Variants in CSMD1 observed in about 807,000 individuals in gnomAD.
The protein encoded by CSMD1 is CUB and sushi domain-containing protein 1.
A neutral mutation model predicts 417.5 loss-of-function variants in CSMD1; 213 were observed. That is an observed-to-expected ratio of 0.51 (90% CI 0.46 to 0.57). The LOEUF is 0.57. Among genes scored for constraint, CSMD1 ranks in the 20% least tolerant of loss-of-function variants. CSMD1 has a pLI of 0.00. For missense variants in CSMD1, 6,923 were observed against 4,529.7 expected, an observed-to-expected ratio of 1.53 and a Z score of -15.17; for synonymous variants, 2,862 against 1,736.8, an observed-to-expected ratio of 1.65 and a Z score of -16.11.
intron 10 of CSMD1, among the ~76,000 whole-genome samples, chr8:3,545,032 A>T (rs745346693): frequency 6.6e-6 from 1 of 152,168 alleles, no homozygotes; most frequent in Non-Finnish European, 1.5e-5. Context: ...GGACAGTATA[A>T]AGTTAATTTC....
intron 6 of CSMD1, among the ~76,000 whole-genome samples, chr8:3,750,618 G>A (rs543032456): frequency 2.6e-4 from 39 of 151,916 alleles, no homozygotes; most frequent in African/African-American, 7.2e-4. Context: ...TTTTAATCTC[G>A]GTATAGACAA....
In CSMD1 at chr8:4,316,587, C is replaced by G. The variant is rs138369043; in HGVS notation, c.415+103366G>C. ...CTTTCCACTAATATTCCATCGAGTCCTAAGACTTGGTGTAGACATCAGAGA... is the reference window on the plus strand; with the variant it reads ...CTTTCCACTAATATTCCATCGAGTCGTAAGACTTGGTGTAGACATCAGAGA... On this transcript the variant is annotated intron_variant, in intron 3 of 69. Coordinates refer to ENST00000635120, the MANE Select transcript of CSMD1 (RefSeq NM_033225.6). Among the ~76,000 whole-genome samples, 703 of 152,036 alleles carry G rather than the reference C, an allele frequency of 4.6e-3. 3 individuals are homozygous for G. The highest frequency in any genetic ancestry group is 0.016 in the African/African-American group (682 of 41,466).
intron 8 of CSMD1, among the ~76,000 whole-genome samples, chr8:3,601,663 G>A (rs1010839724): frequency 6.6e-6 from 1 of 152,198 alleles, no homozygotes; most frequent in Non-Finnish European, 1.5e-5. Context: ...GCTAATGGAA[G>A]CCTGTGAAAT....
chr8:4,306,886 GC>G (rs1798278351), intron 3 of CSMD1, among the ~76,000 whole-genome samples: 1 of 151,970 alleles, frequency 6.6e-6, no homozygotes, highest in Non-Finnish European at 1.5e-5. Flanking sequence ...CTGCAGTTAT[GC>G]TTTCCTTACG....
At chr8:3,104,065 G>C (rs892820006) in intron 46 of CSMD1, among the ~76,000 whole-genome samples, 2 of 152,104 alleles carry the variant, frequency 1.3e-5, no homozygotes, top group Admixed American at 6.5e-5. Context: ...TTTTAGAGCA[G>C]CACATTTGAT....
At chr8:3,498,227 G>C (rs1290166663) in intron 10 of CSMD1, among the ~76,000 whole-genome samples, 1 of 152,068 alleles carries the variant, frequency 6.6e-6, no homozygotes. Context: ...GCTGTTTTTA[G>C]ACTTCTCTTT....
At chr8:3,655,853 C>T (rs557907892) in intron 7 of CSMD1, among the ~76,000 whole-genome samples, 2 of 152,184 alleles carry the variant, frequency 1.3e-5, no homozygotes, top group South Asian at 2.1e-4. Context: ...TGACGGAAAA[C>T]CTGTCAGACT....
chr8:4,560,030 G>C (rs904982253), intron 2 of CSMD1, among the ~76,000 whole-genome samples: 4 of 152,208 alleles, frequency 2.6e-5, no homozygotes, highest in African/African-American at 9.7e-5. Flanking sequence ...GCAGTTGACA[G>C]ACAGCCTCCA....
chr8:3,916,464 A>G (rs1584959154), intron 5 of CSMD1, among the ~76,000 whole-genome samples: 1 of 152,308 alleles, frequency 6.6e-6, no homozygotes, highest in East Asian at 1.9e-4. Flanking sequence ...TTACTTATAC[A>G]TAAAGGCTTG....
chr8:4,691,546 C>G (rs1176083728), intron 1 of CSMD1, among the ~76,000 whole-genome samples: 1 of 152,150 alleles, frequency 6.6e-6, no homozygotes, highest in African/African-American at 2.4e-5. Flanking sequence ...TTCTATAGAG[C>G]AAATACCATT....
At chr8:2,963,463 T>C in intron 59 of CSMD1, 68 bp from the exon 60 acceptor site, 1 of 1,498,720 alleles carries the variant, frequency 6.7e-7, no homozygotes, top group Non-Finnish European at 9.2e-7. Flanking sequence ...TTCAAACGAT[T>C]CCCATTTTAA....
rs766844168 is a variant in CSMD1 at position 4,252,692 on chromosome 8, C to T, written c.415+167261G>A. On this transcript the variant is annotated intron_variant, in intron 3 of 69. Transcript: ENST00000635120. ...TTATGTGGAGTTAACCAGTGAAATG[C>T]TAACAATATCTCATTGGTTGTATTG... Among the ~76,000 whole-genome samples the T allele has an allele frequency of 3.9e-5, 6 of 152,308 alleles. No individual in the cohort carries two copies. The South Asian group carries it at 8.3e-4, about 21-fold the overall frequency.
intron 3 of CSMD1, among the ~76,000 whole-genome samples, chr8:4,349,231 T>C (rs1169425444): frequency 6.6e-6 from 1 of 152,222 alleles, no homozygotes; most frequent in East Asian, 1.9e-4. Flanking sequence ...GCTTGTTTGC[T>C]AATTGTCTTG....
chr8:4,152,812 G>A (rs948417446), intron 3 of CSMD1, among the ~76,000 whole-genome samples: 4 of 151,996 alleles, frequency 2.6e-5, no homozygotes, highest in Admixed American at 6.5e-5. Flanking sequence ...ACACATACAC[G>A]TATAGTGAGA....
chr8:4,209,394 TC>T (rs1640077520), intron 3 of CSMD1, among the ~76,000 whole-genome samples: 1 of 152,092 alleles, frequency 6.6e-6, no homozygotes, highest in Non-Finnish European at 1.5e-5. Context: ...TGCCGAAGAC[TC>T]TCCAGGGTTC....
intron 1 of CSMD1, among the ~76,000 whole-genome samples, chr8:4,725,143 G>C (rs1809343130): frequency 6.6e-6 from 1 of 152,062 alleles, no homozygotes; most frequent in Non-Finnish European, 1.5e-5. Flanking sequence ...CATTATAAAA[G>C]TGTACCTTTT....
intron 1 of CSMD1, among the ~76,000 whole-genome samples, chr8:4,961,078 T>A (rs1809449907): frequency 6.6e-6 from 1 of 152,136 alleles, no homozygotes; most frequent in Non-Finnish European, 1.5e-5. Context: ...GGAGTAAAAT[T>A]AACAACGGGT....
chr8:3,348,191 G>T (rs369445495), intron 21 of CSMD1, 30 bp from the exon 22 acceptor site: 1 of 1,574,460 alleles, frequency 6.4e-7, no homozygotes, highest in Middle Eastern at 1.9e-4. Flanking sequence ...AGAGAAAGAG[G>T]ATTCAAAAGT....
intron 3 of CSMD1, among the ~76,000 whole-genome samples, chr8:4,084,297 GAAA>G (rs567731269): frequency 4.0e-4 from 59 of 145,690 alleles, no homozygotes; most frequent in Admixed American, 6.9e-4. Flanking sequence ...CAACTTTTAT[GAAA>G]AAAGTGACAA....
Sources: gnomAD v4.1 joint callset for allele counts (sites outside exome capture counted in the v4.1 genomes callset) on GRCh38, gnomAD v4.1.1 for gene constraint, MANE v1.5 for transcripts, NCBI Gene and HGNC (gene_info 2026-07-23, HGNC 2026-07-21) for gene names.